Variants in TULP3 observed in about 807,000 individuals in gnomAD.
TULP3 encodes TUB like protein 3.
In TULP3, 38 loss-of-function variants were observed where a neutral mutation model predicts 50.7. The observed-to-expected ratio is 0.75, with a 90% CI of 0.58 to 0.98. The LOEUF (loss-of-function observed/expected upper bound fraction) is 0.98. Ranked by LOEUF, TULP3 falls within the 50% of genes least tolerant of loss-of-function variation. TULP3 has a pLI of 0.00. For missense variants in TULP3, 550 were observed against 568.0 expected, an observed-to-expected ratio of 0.97 and a Z score of 0.32; for synonymous variants, 183 against 196.6, an observed-to-expected ratio of 0.93 and a Z score of 0.58.
chr12:2,894,811 T>G, intron 1 of TULP3, among the ~76,000 whole-genome samples: 1 of 113,926 alleles, frequency 8.8e-6, no homozygotes, highest in East Asian at 2.5e-4. Context: ...GAAGAATTGT[T>G]TGAACCTGGG....
At chr12:2,912,553 T>G (rs779709048) in intron 2 of TULP3, among the ~76,000 whole-genome samples, 4 of 152,206 alleles carry the variant, frequency 2.6e-5, no homozygotes, top group African/African-American at 4.8e-5. Context: ...AGTGTCCCTT[T>G]GGTTAAGTGT....
rs369434304 is a variant in TULP3, at chr12:2,916,617, T to C, written c.94-4146T>C. 2.2e-4 allele frequency among the ~76,000 whole-genome samples: 34 copies of C among 152,340 alleles called. No homozygotes were observed. In the South Asian group the frequency reaches 4.8e-3, roughly 21 times the overall value. ...TCCCTGACTTACTCTATCTTGGTAA[T>C]GAGTCCTTCATTGATGTAGCCTCGT... On this transcript the variant is annotated intron_variant, in intron 2 of 10. Coordinates refer to ENST00000448120, the MANE Select transcript of TULP3 (RefSeq NM_003324.5).
At chr12:2,891,011 C>T (rs201035893) in intron 1 of TULP3, 23 bp downstream of exon 1, 1 of 1,569,182 alleles carries the variant, frequency 6.4e-7, no homozygotes. Context: ...CGTGGCAGGT[C>T]TCCTCCTGAG....
rs1047417869 is a variant in TULP3, at chr12:2,903,534, C to G, written c.42-5995C>G. Among the ~76,000 whole-genome samples, 8 of 149,194 alleles carry G rather than the reference C, an allele frequency of 5.4e-5. No homozygotes were observed. In the Admixed American group the frequency reaches 5.4e-4, roughly 10 times the overall value. ...CCAAGATCACGCCACTGCACTGCAG[C>G]CTGGGCAACAAGCGCGAGACTCTAT... On this transcript the variant is annotated intron_variant, in intron 1 of 10. Coordinates refer to ENST00000448120, the MANE Select transcript of TULP3 (RefSeq NM_003324.5).
Position 2,940,596 on chromosome 12 carries a change from C to A in TULP3, c.*1152C>A. On this transcript the variant is annotated 3_prime_UTR_variant, in exon 11 of 11. Coordinates refer to ENST00000448120, the MANE Select transcript of TULP3 (RefSeq NM_003324.5). Reference sequence around the variant, plus strand: ...CACCGTCAGCACCATTCAGCTGCATCCCTTGTGCACAGAACTGTTTGCCAG... The same window carrying A: ...CACCGTCAGCACCATTCAGCTGCATACCTTGTGCACAGAACTGTTTGCCAG... The A allele has an allele frequency of 1.3e-6, 2 of 1,551,758 alleles. No individual in the cohort carries two copies. Among genetic ancestry groups the A allele is most frequent in the Non-Finnish European group, 1.7e-6 (2 of 1,147,004 alleles).
intron 3 of TULP3, among the ~76,000 whole-genome samples, chr12:2,921,124 G>T (rs902187572): frequency 6.6e-6 from 1 of 152,058 alleles, no homozygotes; most frequent in Admixed American, 6.6e-5. Context: ...TAAGGTTTGC[G>T]TCCATTTTAG....
At chr12:2,925,959 C>G (rs1298615196) in intron 4 of TULP3, among the ~76,000 whole-genome samples, 1 of 152,108 alleles carries the variant, frequency 6.6e-6, no homozygotes, top group African/African-American at 2.4e-5. Flanking sequence ...CAGGTTGCAT[C>G]TTGACTATAA....
intron 4 of TULP3, among the ~76,000 whole-genome samples, chr12:2,924,515 CA>C (rs1042038824): frequency 2.4e-4 from 36 of 150,990 alleles, no homozygotes; most frequent in African/African-American, 8.5e-4. Context: ...CAGTCTCTAA[CA>C]AAAAAAAATT....
Position 2,927,448 on chromosome 12 carries a change from C to T in TULP3, c.395-2800C>T, listed in dbSNP as rs148826349. On this transcript the variant is annotated intron_variant, in intron 4 of 10. Coordinates refer to ENST00000448120, the MANE Select transcript of TULP3 (RefSeq NM_003324.5). ...GTGATGTGATCTCGGCTCACTGCAA[C>T]CTCTGCTTCCTGGGTTCAAGGGATT... 5.9e-3 allele frequency among the ~76,000 whole-genome samples: 848 copies of T among 143,992 alleles called. 6 individuals carry two copies. Among genetic ancestry groups the T allele is most frequent in the Non-Finnish European group, 7.0e-3 (470 of 67,002 alleles). 94.5% of individuals were successfully genotyped at this position (143,992 alleles called of 152,430 possible).
rs933143281 is a variant in TULP3, at chr12:2,899,132, G to A, written c.41+8144G>A. ...AGGCTCATGCGGGTGGGTCACCTGA[G>A]GTCAGGAGTTAGAGACCAGCCTGAC... is the stretch of plus-strand genomic sequence containing the variant. On this transcript the variant is annotated intron_variant, in intron 1 of 10. Transcript: ENST00000448120. Among the ~76,000 whole-genome samples the A allele has an allele frequency of 5.7e-4, 87 of 151,816 alleles. 1 individual carries two copies. The highest frequency in any genetic ancestry group is 2.0e-3 in the African/African-American group (82 of 41,432).
chr12:2,894,306 G>T (rs1322623191), intron 1 of TULP3, among the ~76,000 whole-genome samples: 3 of 139,814 alleles, frequency 2.1e-5, no homozygotes, highest in Non-Finnish European at 3.1e-5. Flanking sequence ...GGGGCGGGGG[G>T]GGGGAAATCA....
At chr12:2,936,447 C>T (rs1294306477) in intron 8 of TULP3, among the ~76,000 whole-genome samples, 1 of 150,748 alleles carries the variant, frequency 6.6e-6, no homozygotes, top group Non-Finnish European at 1.5e-5. Context: ...TCTCAAATCA[C>T]ATTTAAGACT....
At chr12:2,907,702 G>A (rs192626062) in intron 1 of TULP3, among the ~76,000 whole-genome samples, 5 of 141,118 alleles carry the variant, frequency 3.5e-5, no homozygotes, top group Non-Finnish European at 7.6e-5. Flanking sequence ...TAATGTTCTA[G>A]CACTCTAGTT....
At chr12:2,932,252 A>G (rs2098198496) in intron 6 of TULP3, among the ~76,000 whole-genome samples, 1 of 151,826 alleles carries the variant, frequency 6.6e-6, no homozygotes, top group Admixed American at 6.6e-5. Context: ...GATGTGGTTG[A>G]CATTCCTCTG....
chr12:2,899,191 C>A (rs1001247605), intron 1 of TULP3, among the ~76,000 whole-genome samples: 2 of 151,598 alleles, frequency 1.3e-5, no homozygotes, highest in African/African-American at 4.8e-5. Flanking sequence ...ACTAAAAATA[C>A]AAAATTAGCC....
intron 1 of TULP3, among the ~76,000 whole-genome samples, chr12:2,899,035 T>G (rs1383235178): frequency 6.6e-6 from 1 of 152,188 alleles, no homozygotes; most frequent in Non-Finnish European, 1.5e-5. Context: ...TTCAGATATT[T>G]TTAACCTTTT....
chr12:2,919,927 C>T (rs1398433809), intron 2 of TULP3, among the ~76,000 whole-genome samples: 1 of 151,036 alleles, frequency 6.6e-6, no homozygotes, highest in African/African-American at 2.4e-5. Context: ...ATAAGATAAA[C>T]AAGAATGCCA....
chr12:2,939,829 C>A lies in TULP3; in HGVS notation c.*385C>A. 1 of 1,193,102 alleles carries A rather than the reference C, an allele frequency of 8.4e-7. No homozygotes were observed. The highest frequency in any genetic ancestry group is 5.8e-5 in the East Asian group (1 of 17,248). The allele number at this position is 1,193,102 out of a possible 1,614,324, so 73.9% of individuals were successfully genotyped here. ...AACACACACACACCCCGCGCACTCT[C>A]ACTCCTTTTCCAGGTTTCATAGACT... On this transcript the variant is annotated 3_prime_UTR_variant, in exon 11 of 11. Transcript: ENST00000448120. This position sits in a 1 kb window ranked among gnomAD's most constrained non-coding sequence, Gnocchi z 4.0.
chr12:2,940,515 G>A lies in TULP3; in HGVS notation c.*1071G>A, dbSNP rs1021189093. The stretch of plus-strand genomic sequence containing the variant: ...CACGTATTATGTGACTCTTACACCA[G>A]TTCACCCTTCCCAGAATGTATCCAA... On this transcript the variant is annotated 3_prime_UTR_variant, in exon 11 of 11. Coordinates refer to ENST00000448120, the MANE Select transcript of TULP3 (RefSeq NM_003324.5). 1 of 1,541,242 alleles carries A rather than the reference G, an allele frequency of 6.5e-7. No homozygotes were observed. Among genetic ancestry groups the A allele is most frequent in the African/African-American group, 1.4e-5 (1 of 72,734 alleles).
Sources: allele counts gnomAD v4.1 joint callset (sites outside exome capture counted in the v4.1 genomes callset), GRCh38; gene constraint gnomAD v4.1.1; non-coding constraint Gnocchi (gnomAD v3.1); transcripts MANE v1.5; gene names NCBI Gene and HGNC (gene_info 2026-07-23, HGNC 2026-07-21).